Variants in EVI2B observed in about 807,000 individuals in gnomAD.
EVI2B encodes the protein protein EVI2B.
EVI2B carries 4 observed loss-of-function variants against 6.6 expected under a neutral mutation model. That is an observed-to-expected ratio of 0.61 (90% confidence interval 0.30 to 1.39). EVI2B has a LOEUF of 1.39. Ranked by LOEUF, EVI2B falls within the 40% of genes most tolerant of loss-of-function variation. The pLI is 0.08. For synonymous variants in EVI2B, 181 were observed against 186.8 expected (o/e 0.97, Z 0.25); for missense variants, 484 against 516.6 (o/e 0.94, Z 0.61).
Position 31,304,046 on chromosome 17 carries a change from C to A in EVI2B, c.*217G>T. 2.3e-6 allele frequency: 1 copy of A among 440,500 alleles called. No homozygotes were observed. The allele number at this position is 440,500 out of a possible 1,614,324, so 27.3% of individuals were successfully genotyped here. A position where few individuals can be genotyped will look rare whatever the true frequency, so the allele number is the denominator to read the frequency against. ...ATTTACATATGTAAAATGTACTATA[C>A]TTTAAAGATAGGTACTATAATTAGT... is the stretch of plus-strand genomic sequence containing the variant. On this transcript the variant is annotated 3_prime_UTR_variant, in exon 2 of 2. Coordinates refer to ENST00000330927, the MANE Select transcript of EVI2B (RefSeq NM_006495.4).
intron 1 of EVI2B, chr17:31,308,036 C>A: frequency 1.6e-6 from 1 of 611,200 alleles, no homozygotes. Flanking sequence ...AAACAGTTCT[C>A]CTTTGAACTC....
At position 31,304,226 on chromosome 17, in the gene EVI2B, G is replaced by T; in HGVS notation, c.*37C>A. On this transcript the variant is annotated 3_prime_UTR_variant, in exon 2 of 2. Coordinates refer to ENST00000330927, the MANE Select transcript of EVI2B (RefSeq NM_006495.4). ...ACATATAAAGAAAAAAGAGTCATTT[G>T]AGGATGGAAGATCAGCTAAAAAGCA... 6.5e-7 allele frequency: 1 copy of T among 1,532,224 alleles called. No homozygotes were observed. Among genetic ancestry groups the T allele is most frequent in the South Asian group, 1.3e-5 (1 of 77,418 alleles). The allele number at this position is 1,532,224 out of a possible 1,614,324, so 94.9% of individuals were successfully genotyped here.
intron 1 of EVI2B, among the ~76,000 whole-genome samples, chr17:31,310,940 C>CTTTT (rs77429998): frequency 1.5e-5 from 2 of 130,894 alleles, no homozygotes; most frequent in African/African-American, 5.6e-5. Context: ...AAGACATGTT[C>CTTTT]TTTTTTTTTT....
chr17:31,304,389 T>G lies in EVI2B; in HGVS notation c.1221A>C (p.Pro407=), dbSNP rs764563923. 1 of 1,614,016 alleles carries G rather than the reference T, an allele frequency of 6.2e-7. No individual in the cohort carries two copies. The highest frequency in any genetic ancestry group is 8.5e-7 in the Non-Finnish European group (1 of 1,180,000). Residue 407 remains proline, a synonymous_variant, in exon 2 of 2, where the codon CCA becomes CCC. Coordinates refer to ENST00000330927, the MANE Select transcript of EVI2B (RefSeq NM_006495.4). ...PLDSLNLPLP[P]VDFMKNQEDS... is the part of the protein sequence containing the mutation. ...CTTCTTGGTTTTTCATAAAATCTAC[T>G]GGTGGCAGGGGCAAGTTAAGTGAGT...
chr17:31,308,145 CT>C (rs953335153), intron 1 of EVI2B, among the ~76,000 whole-genome samples: 131 of 145,438 alleles, frequency 9.0e-4, no homozygotes, highest in Admixed American at 2.7e-3. Flanking sequence ...CTTCCTTTTT[CT>C]TTTTTTTTTT....
chr17:31,305,892 C>A (rs950975367), intron 1 of EVI2B, among the ~76,000 whole-genome samples: 15 of 152,166 alleles, frequency 9.9e-5, no homozygotes, highest in Non-Finnish European at 4.4e-5. Context: ...AATACAAGTT[C>A]TGTACTTGGC....
At chr17:31,310,491 G>A (rs181213696) in intron 1 of EVI2B, among the ~76,000 whole-genome samples, 2 of 152,218 alleles carry the variant, frequency 1.3e-5, no homozygotes, top group East Asian at 1.9e-4. Flanking sequence ...CTCTGTTGTG[G>A]CTGGCCTGTG....
At chr17:31,305,678 T>C in intron 1 of EVI2B, 48 bp from the exon 2 acceptor site, 1 of 1,501,814 alleles carries the variant, frequency 6.7e-7, no homozygotes, top group South Asian at 1.3e-5. Flanking sequence ...GCGTCATTGG[T>C]GTCTAGTTAA....
chr17:31,305,226 T>C lies in EVI2B; in HGVS notation c.384A>G (p.Leu128=). Residue 128 remains leucine, a synonymous_variant, in exon 2 of 2, where the codon CTA becomes CTG. Transcript: ENST00000330927. The stretch of plus-strand genomic sequence containing the variant: ...GTGTGGTAGAAGTACGGGCAGATGG[T>C]AGTTGTCTGGCAGAGGTGAACACGG... ...QQAVFTSARQ[L]PSARTSTTQP... is the part of the protein sequence containing the mutation. The C allele has an allele frequency of 6.2e-7, 1 of 1,614,136 alleles. No individual in the cohort carries two copies. Among genetic ancestry groups the C allele is most frequent in the Non-Finnish European group, 8.5e-7 (1 of 1,180,020 alleles).
chr17:31,307,627 C>G (rs1177895433), intron 1 of EVI2B, among the ~76,000 whole-genome samples: 1 of 152,168 alleles, frequency 6.6e-6, no homozygotes, highest in Non-Finnish European at 1.5e-5. Flanking sequence ...CTTAACCTTT[C>G]CTGTTCTCAA....
At chr17:31,307,849 G>A (rs921908967) in intron 1 of EVI2B, 2 of 1,266,890 alleles carry the variant, frequency 1.6e-6, no homozygotes, top group African/African-American at 1.5e-5. Context: ...GAGATTTGAT[G>A]TTCTGTTGGA....
In EVI2B at chr17:31,305,051, CT is replaced by C; in HGVS notation, c.558del (p.Asp187IlefsTer17). 1 of 1,614,118 alleles carries C rather than the reference CT, an allele frequency of 6.2e-7. No individual in the cohort carries two copies. Among genetic ancestry groups the C allele is most frequent in the Non-Finnish European group, 8.5e-7 (1 of 1,180,018 alleles). On this transcript the variant is annotated frameshift_variant, in exon 2 of 2. Transcript: ENST00000330927. LOFTEE classifies it high-confidence loss of function. ...NSPRSTPGFI[L>X]DTTSNKQTPQ... ...GGGGTTTGTTTGTTACTGGTAGTAT[CT>C]AAGATAAATCCTGGTGTACTCCTAG...
Position 31,304,728 on chromosome 17 carries a change from T to C in EVI2B, c.882A>G (p.Ser294=). 1 of 1,614,202 alleles carries C rather than the reference T, an allele frequency of 6.2e-7. No homozygotes were observed. Among genetic ancestry groups the C allele is most frequent in the Non-Finnish European group, 8.5e-7 (1 of 1,180,024 alleles). Residue 294 remains serine, a synonymous_variant, in exon 2 of 2, where the codon TCA becomes TCG. Transcript: ENST00000330927. ...TGTTGGAGTCTTCAATGTTTTCACT[T>C]GATTCAAACAACTTAATTTCTAAGT... The part of the protein sequence containing the change: ...ADDLEIKLFE[S]SENIEDSNNP...
intron 1 of EVI2B, among the ~76,000 whole-genome samples, chr17:31,308,151 T>G (rs1207205998): frequency 6.6e-6 from 1 of 152,104 alleles, no homozygotes; most frequent in Non-Finnish European, 1.5e-5. Flanking sequence ...TTTTCTTTTT[T>G]TTTTTGGAGA....
Position 31,305,301 on chromosome 17 carries a change from G to A in EVI2B, c.309C>T (p.Ala103=). The A allele has an allele frequency of 1.2e-6, 2 of 1,614,136 alleles. No individual in the cohort carries two copies. Among genetic ancestry groups the A allele is most frequent in the Non-Finnish European group, 1.7e-6 (2 of 1,180,026 alleles). ...TTGGTGTTGGTTGTTTGGTGTTGTAGGCAAGTGGTTGTCCAGCAGAAGTAT... is the reference window on the plus strand; with the variant it reads ...TTGGTGTTGGTTGTTTGGTGTTGTAAGCAAGTGGTTGTCCAGCAGAAGTAT... The part of the protein sequence containing the change: ...EAHTSAGQPL[A]YNTKQPTPIA... Residue 103 remains alanine (A), a synonymous_variant, in exon 2 of 2, where the codon GCC becomes GCT. Coordinates refer to ENST00000330927, the MANE Select transcript of EVI2B (RefSeq NM_006495.4).
chr17:31,313,848 A>C (rs1213103617), intron 1 of EVI2B, 131 bp downstream of exon 1: 2 of 389,968 alleles, frequency 5.1e-6, no homozygotes, highest in Admixed American at 8.9e-5. Context: ...AATTCTATGC[A>C]ACAAAACCAC....
Position 31,308,352 on chromosome 17 carries a change from A to T in EVI2B, c.-21-2722T>A, listed in dbSNP as rs547226688. Among the ~76,000 whole-genome samples the T allele has an allele frequency of 2.6e-5, 4 of 151,938 alleles. No homozygotes were observed. The South Asian group carries it at 8.3e-4, about 32-fold the overall frequency. Reference sequence around the variant, plus strand: ...GACAGGGTTTCACCATGTTGTCCAGACCGGTCTCGAACTCCTGACCTCAAG... The same window carrying T: ...GACAGGGTTTCACCATGTTGTCCAGTCCGGTCTCGAACTCCTGACCTCAAG... On this transcript the variant is annotated intron_variant, in intron 1 of 1. Transcript: ENST00000330927.
Position 31,304,223 on chromosome 17 carries a change from T to C in EVI2B, c.*40A>G. ...TTAACATATAAAGAAAAAAGAGTCA[T>C]TTGAGGATGGAAGATCAGCTAAAAA... On this transcript the variant is annotated 3_prime_UTR_variant, in exon 2 of 2. Coordinates refer to ENST00000330927, the MANE Select transcript of EVI2B (RefSeq NM_006495.4). The C allele has an allele frequency of 6.6e-7, 1 of 1,526,522 alleles. No individual in the cohort carries two copies. Among genetic ancestry groups the C allele is most frequent in the Admixed American group, 2.2e-5 (1 of 45,820 alleles). The allele number at this position is 1,526,522 out of a possible 1,614,324, so 94.6% of individuals were successfully genotyped here.
Position 31,304,626 on chromosome 17 carries a change from A to T in EVI2B, c.984T>A (p.Thr328=). 6.2e-7 allele frequency: 1 copy of T among 1,614,196 alleles called. No homozygotes were observed. Among genetic ancestry groups the T allele is most frequent in the Non-Finnish European group, 8.5e-7 (1 of 1,180,016 alleles). Residue 328 remains threonine, a synonymous_variant, in exon 2 of 2, where the codon ACT becomes ACA. Coordinates refer to ENST00000330927, the MANE Select transcript of EVI2B (RefSeq NM_006495.4). ...CTGCATCATCTGAAGAAGAAACAGCAGTTCCAACTGTTGAACCATCAGCAC... is the reference window on the plus strand; with the variant it reads ...CTGCATCATCTGAAGAAGAAACAGCTGTTCCAACTGTTGAACCATCAGCAC... The part of the protein sequence containing the change: ...EDSADGSTVG[T]AVSSSDDADL...
Sources: allele counts gnomAD v4.1 joint callset (sites outside exome capture counted in the v4.1 genomes callset), GRCh38; gene constraint gnomAD v4.1.1; transcripts MANE v1.5; gene names NCBI Gene and HGNC (gene_info 2026-07-23, HGNC 2026-07-21).